Variants in C6orf132 observed in about 807,000 individuals in gnomAD.
C6orf132 encodes the protein uncharacterized protein C6orf132.
C6orf132 carries 43 observed loss-of-function variants against 65.3 expected under a neutral mutation model. The ratio of observed to expected loss-of-function variants is 0.66; its 90% CI spans 0.52 to 0.85. The LOEUF is 0.85. Ranked by LOEUF, C6orf132 falls within the 40% of genes least tolerant of loss-of-function variation. The pLI is 0.00. For missense variants in C6orf132, 1,488 were observed against 1,548.8 expected, an observed-to-expected ratio of 0.96 and a Z score of 0.66; for synonymous variants, 631 against 654.1, an observed-to-expected ratio of 0.96 and a Z score of 0.54.
At position 42,101,821 on chromosome 6, in the gene C6orf132, C is replaced by T. The variant is rs1766288846; in HGVS notation, c.*1940G>A. 1 of 152,224 alleles carries T rather than the reference C, an allele frequency of 6.6e-6. No individual in the cohort carries two copies. The highest frequency in any genetic ancestry group is 1.5e-5 in the Non-Finnish European group (1 of 68,056). The allele number at this position is 152,224 out of a possible 1,614,324, so 9.4% of individuals were successfully genotyped here. Reference sequence around the variant, plus strand: ...CCTTGGTAATCTGGGCATCCACCCACCCCTGCACTTTCTTCCCTAAAGTGG... The same window carrying T: ...CCTTGGTAATCTGGGCATCCACCCATCCCTGCACTTTCTTCCCTAAAGTGG... On this transcript the variant is annotated 3_prime_UTR_variant, in exon 5 of 5. Transcript: ENST00000341865.
intron 2 of C6orf132, among the ~76,000 whole-genome samples, chr6:42,116,385 TC>T (rs1766571122): frequency 6.6e-6 from 1 of 152,130 alleles, no homozygotes; most frequent in Non-Finnish European, 1.5e-5. Context: ...TGGATCACTG[TC>T]TTTTCGGGCA....
intron 1 of C6orf132, among the ~76,000 whole-genome samples, chr6:42,136,012 T>G (rs2127480035): frequency 6.6e-6 from 1 of 152,258 alleles, no homozygotes; most frequent in African/African-American, 2.4e-5. Context: ...GACTTGAAAG[T>G]TGGTAAGGCC....
At chr6:42,133,777 T>A (rs1026228867) in intron 1 of C6orf132, among the ~76,000 whole-genome samples, 2 of 108,132 alleles carry the variant, frequency 1.8e-5, no homozygotes, top group Admixed American at 1.0e-4. Flanking sequence ...AGGATTACTT[T>A]AGAGTTTCTC....
In C6orf132 at chr6:42,105,895, G is replaced by T. The variant is rs777831330; in HGVS notation, c.2017C>A (p.Leu673Ile). 13 of 1,537,102 alleles carry T rather than the reference G, an allele frequency of 8.5e-6. 1 individual carries two copies. The South Asian group carries it at 1.5e-4, about 18-fold the overall frequency. ...PKATLGPATP[L>I]KATSGPTTPL... is the part of the protein sequence containing the mutation. ...GTGGTTGGCCCAGATGTGGCCTTGAGTGGTGTGGCTGGCCCAAGTGTGGCC... is the reference window on the plus strand; with the variant it reads ...GTGGTTGGCCCAGATGTGGCCTTGATTGGTGTGGCTGGCCCAAGTGTGGCC... The change falls in exon 4 of 5, where the codon CTC (leucine) becomes ATC (isoleucine). Residue 673 changes from leucine to isoleucine, a missense_variant. Transcript: ENST00000341865.
intron 2 of C6orf132, among the ~76,000 whole-genome samples, chr6:42,110,582 T>C (rs1766478335): frequency 6.6e-6 from 1 of 152,228 alleles, no homozygotes; most frequent in Non-Finnish European, 1.5e-5. Flanking sequence ...TAGGTTCCTA[T>C]GAGCCTCTGG....
At position 42,107,330 on chromosome 6, in the gene C6orf132, CA is replaced by C; in HGVS notation, c.581del (p.Leu194TrpfsTer31). On this transcript the variant is annotated frameshift_variant, in exon 4 of 5. Coordinates refer to ENST00000341865, the MANE Select transcript of C6orf132 (RefSeq NM_001164446.3). LOFTEE classifies it high-confidence loss of function. ...GAGTGTGTGGTGGGGATAGGGCCTCCAATACTGGGGGTGGAGGTGGGGCCAT... is the reference window on the plus strand; with the variant it reads ...GAGTGTGTGGTGGGGATAGGGCCTCCATACTGGGGGTGGAGGTGGGGCCAT... ...PSMAPPPPPV[L>X]EALSPPHTLS... 1.0e-6 allele frequency: 1 copy of C among 997,426 alleles called. No individual in the cohort carries two copies. The highest frequency in any genetic ancestry group is 1.3e-6 in the Non-Finnish European group (1 of 764,528). The allele number at this position is 997,426 out of a possible 1,614,324, so 61.8% of individuals were successfully genotyped here. A position where few individuals can be genotyped will look rare whatever the true frequency, so the allele number is the denominator to read the frequency against.
chr6:42,116,511 C>G (rs1463038663), intron 2 of C6orf132, among the ~76,000 whole-genome samples: 1 of 152,166 alleles, frequency 6.6e-6, no homozygotes, highest in Non-Finnish European at 1.5e-5. Context: ...CCCAGATGAA[C>G]AGACTCCCTT....
Position 42,102,937 on chromosome 6 carries a change from C to A in C6orf132, c.*824G>T. ...CTAGTGTCAAGCCTAAGACTCATGG[C>A]TCCTTGGGCCCAGTCCCCAAAATCA... On this transcript the variant is annotated 3_prime_UTR_variant, in exon 5 of 5. Coordinates refer to ENST00000341865, the MANE Select transcript of C6orf132 (RefSeq NM_001164446.3). 2.5e-6 allele frequency: 1 copy of A among 397,544 alleles called. No homozygotes were observed. The highest frequency in any genetic ancestry group is 4.4e-6 in the Non-Finnish European group (1 of 225,878). 24.6% of individuals were successfully genotyped at this position (397,544 alleles called of 1,614,324 possible). A position where few individuals can be genotyped will look rare whatever the true frequency, so the allele number is the denominator to read the frequency against.
chr6:42,106,947 T>G lies in C6orf132; in HGVS notation c.965A>C (p.Glu322Ala). The change falls in exon 4 of 5, where the codon GAG becomes GCG. Residue 322 changes from glutamate (E) to alanine (A), a missense_variant. By Grantham distance (107) the Glu-to-Ala change is moderately radical. Coordinates refer to ENST00000341865, the MANE Select transcript of C6orf132 (RefSeq NM_001164446.3). Reference protein sequence around the residue: ...TSSIPVQEAQEAPRKEEGATK... With the variant: ...TSSIPVQEAQAAPRKEEGATK... ...GGCCCCCTCTTCCTTTCGGGGAGCC[T>G]CTTGTGCTTCCTGAACTGGGATGGA... is the stretch of plus-strand genomic sequence containing the variant. 7 of 1,536,118 alleles carry G rather than the reference T, an allele frequency of 4.6e-6. No individual in the cohort carries two copies. Among genetic ancestry groups the G allele is most frequent in the Non-Finnish European group, 6.1e-6 (7 of 1,146,554 alleles).
In C6orf132 at chr6:42,127,261, G is replaced by T. The variant is rs541145541; in HGVS notation, c.252+1411C>A. Among the ~76,000 whole-genome samples, 144 of 152,280 alleles carry T rather than the reference G, an allele frequency of 9.5e-4. 1 individual carries two copies. The highest frequency in any genetic ancestry group is 4.8e-3 in the Admixed American group (74 of 15,296). On this transcript the variant is annotated intron_variant, in intron 2 of 4. Coordinates refer to ENST00000341865, the MANE Select transcript of C6orf132 (RefSeq NM_001164446.3). ...GACTTATTTGATTTATACCTTGTTG[G>T]TGGTGGTGTTGCACTTTCTATATTT...
chr6:42,117,209 A>G (rs1033324794), intron 2 of C6orf132, among the ~76,000 whole-genome samples: 2 of 152,346 alleles, frequency 1.3e-5, no homozygotes, highest in South Asian at 2.1e-4. Flanking sequence ...TTTATTAGGC[A>G]TCTACTAGGT....
intron 1 of C6orf132, among the ~76,000 whole-genome samples, 152 bp from the exon 2 acceptor site, chr6:42,128,930 A>G (rs1766811198): frequency 6.6e-6 from 1 of 152,116 alleles, no homozygotes; most frequent in Non-Finnish European, 1.5e-5. Flanking sequence ...ACATAATCAG[A>G]TCTTATGGAT....
rs1457008064 is a variant in C6orf132 at position 42,107,591 on chromosome 6, A to T, written c.329-8T>A. 20 of 1,550,550 alleles carry T rather than the reference A, an allele frequency of 1.3e-5. No homozygotes were observed. The highest frequency in any genetic ancestry group is 1.7e-5 in the Non-Finnish European group (19 of 1,146,692). On this transcript the variant is annotated splice_polypyrimidine_tract_variant and splice_region_variant and intron_variant, in intron 3 of 4. Coordinates refer to ENST00000341865, the MANE Select transcript of C6orf132 (RefSeq NM_001164446.3). ...TGACTAGTGAGCTGGTACCTGAAAG[A>T]AGGAGAGGCAAAGATGGGGGGCAGG...
chr6:42,133,471 G>A (rs77543329), intron 1 of C6orf132, among the ~76,000 whole-genome samples: 2,991 of 152,318 alleles, frequency 0.02, 55 homozygotes, highest in African/African-American at 0.046. Flanking sequence ...GATTCAGAAA[G>A]CTGGAAAAGG....
chr6:42,142,552 T>G lies in C6orf132; in HGVS notation c.-108A>C. The G allele has an allele frequency of 1.3e-5, 9 of 684,980 alleles. No homozygotes were observed. Among genetic ancestry groups the G allele is most frequent in the Non-Finnish European group, 1.7e-5 (9 of 514,518 alleles). 42.4% of individuals were successfully genotyped at this position (684,980 alleles called of 1,614,324 possible). A position where few individuals can be genotyped will look rare whatever the true frequency, so the allele number is the denominator to read the frequency against. Reference sequence around the variant, plus strand: ...CCCCAGGGGACTCTACCAGGCCATGTCCCCCGCCGTCCTCCCCGCCCGCGC... The same window carrying G: ...CCCCAGGGGACTCTACCAGGCCATGGCCCCCGCCGTCCTCCCCGCCCGCGC... On this transcript the variant is annotated 5_prime_UTR_variant, in exon 1 of 5. Transcript: ENST00000341865.
rs1319606461 is a variant in C6orf132 at position 42,106,455 on chromosome 6, C to G, written c.1457G>C (p.Arg486Pro). ...TGGGCCTGGCCTGTGACTGAGGAATCGGTCCTCTCTCCTGGAGCCACAGAG... is the reference window on the plus strand; with the variant it reads ...TGGGCCTGGCCTGTGACTGAGGAATGGGTCCTCTCTCCTGGAGCCACAGAG... ...AYLCGSRRED[R>P]FLSHRPGPTV... Residue 486 changes from arginine to proline, a missense_variant, in exon 4 of 5, where the codon CGA becomes CCA. Coordinates refer to ENST00000341865, the MANE Select transcript of C6orf132 (RefSeq NM_001164446.3). The G allele has an allele frequency of 6.5e-7, 1 of 1,536,228 alleles. No individual in the cohort carries two copies. Among genetic ancestry groups the G allele is most frequent in the Non-Finnish European group, 8.7e-7 (1 of 1,146,840 alleles).
At chr6:42,110,352 G>A in intron 2 of C6orf132, 61 bp from the exon 3 acceptor site, 2 of 1,382,294 alleles carry the variant, frequency 1.4e-6, no homozygotes, top group Non-Finnish European at 2.0e-6. Context: ...TTCTCAAACT[G>A]CTGCTCTTTG....
At chr6:42,110,128 T>C in intron 3 of C6orf132, 88 bp downstream of exon 3, 1 of 1,071,558 alleles carries the variant, frequency 9.3e-7, no homozygotes, top group East Asian at 2.7e-5. Context: ...TGTCACCAGC[T>C]GTGAAGATGA....
intron 1 of C6orf132, among the ~76,000 whole-genome samples, chr6:42,139,964 C>T (rs1767007448): frequency 6.6e-6 from 1 of 152,202 alleles, no homozygotes; most frequent in Non-Finnish European, 1.5e-5. Flanking sequence ...AGACAGGATG[C>T]CAAGGCAGGG....
Sources: allele counts gnomAD v4.1 joint callset (sites outside exome capture counted in the v4.1 genomes callset), GRCh38; gene constraint gnomAD v4.1.1; transcripts MANE v1.5; gene names NCBI Gene and HGNC (gene_info 2026-07-23, HGNC 2026-07-21).